GBE1: variants seen among roughly 807,000 people sequenced by gnomAD.
GBE1 encodes 1,4-alpha-glucan branching enzyme 1.
In GBE1, 70 loss-of-function variants were observed where a neutral mutation model predicts 88.8. That is an observed-to-expected ratio of 0.79 (90% CI 0.65 to 0.96). The LOEUF (loss-of-function observed/expected upper bound fraction) is 0.96. GBE1 is among the 40% of genes least tolerant of loss of function. The probability of loss-of-function intolerance (pLI) is 0.00; values close to 1 mark genes in which losing one functional copy is unlikely to be tolerated. For synonymous variants in GBE1, 284 were observed against 300.1 expected (o/e 0.95, Z 0.56); for missense variants, 872 against 871.0 (o/e 1.00, Z -0.01).
At chr3:81,692,899 A>T (rs1705542049) in intron 2 of GBE1, among the ~76,000 whole-genome samples, 1 of 152,212 alleles carries the variant, frequency 6.6e-6, no homozygotes, top group South Asian at 2.1e-4. Context: ...ACTCATCTGC[A>T]TTGAATGACA....
chr3:81,585,777 A>C (rs1703795188), intron 10 of GBE1, among the ~76,000 whole-genome samples: 2 of 152,218 alleles, frequency 1.3e-5, no homozygotes, highest in Admixed American at 1.3e-4. Flanking sequence ...GCTGTAATGA[A>C]GTCTAATATG....
intron 13 of GBE1, 120 bp downstream of exon 13, chr3:81,536,791 A>C (rs557302914): frequency 1.4e-6 from 1 of 707,210 alleles, no homozygotes; most frequent in African/African-American, 1.9e-5. Context: ...GGTACAGGAC[A>C]CTAGACACTG....
At chr3:81,755,364 G>C (rs1706588054) in intron 1 of GBE1, among the ~76,000 whole-genome samples, 1 of 151,976 alleles carries the variant, frequency 6.6e-6, no homozygotes, top group Non-Finnish European at 1.5e-5. Context: ...ATACACTGTT[G>C]GTGGGAATGT....
chr3:81,637,907 C>T (rs1704613486), intron 7 of GBE1, among the ~76,000 whole-genome samples: 2 of 151,994 alleles, frequency 1.3e-5, no homozygotes, highest in South Asian at 2.1e-4. Context: ...GTCATGAGGG[C>T]TTACCTCAGG....
intron 12 of GBE1, among the ~76,000 whole-genome samples, chr3:81,563,130 G>A (rs1703443342): frequency 6.6e-6 from 1 of 152,146 alleles, no homozygotes; most frequent in South Asian, 2.1e-4. Flanking sequence ...CAGCCTGCAT[G>A]AATAACACTG....
intron 7 of GBE1, among the ~76,000 whole-genome samples, chr3:81,618,649 T>G (rs1704282832): frequency 6.6e-6 from 1 of 152,144 alleles, no homozygotes; most frequent in Non-Finnish European, 1.5e-5. Context: ...TTGCTTCACT[T>G]TTCTCTCACG....
At chr3:81,710,073 A>G (rs1705837110) in intron 1 of GBE1, among the ~76,000 whole-genome samples, 1 of 152,156 alleles carries the variant, frequency 6.6e-6, no homozygotes. Flanking sequence ...AGGCAAACAT[A>G]AAGACATAAA....
chr3:81,668,074 C>T (rs1176310482), intron 3 of GBE1, among the ~76,000 whole-genome samples: 5 of 152,146 alleles, frequency 3.3e-5, no homozygotes, highest in Non-Finnish European at 4.4e-5. Flanking sequence ...TTTGCAGGGA[C>T]ATAGATGAAG....
rs757742488 is a variant in GBE1, at chr3:81,722,894, G to GTATATATATATATA, written c.144-17282_144-17281insTATATATATATATA. Among the ~76,000 whole-genome samples, 121 of 135,004 alleles carry GTATATATATATATA rather than the reference G, an allele frequency of 9.0e-4. 1 individual carries two copies. Among genetic ancestry groups the GTATATATATATATA allele is most frequent in the East Asian group, 4.0e-3 (16 of 4,008 alleles). The allele number at this position is 135,004 out of a possible 152,430, so 88.6% of individuals were successfully genotyped here. A position where few individuals can be genotyped will look rare whatever the true frequency, so the allele number is the denominator to read the frequency against. ...GGCACACACACGTGTGTGTGTGTGT[G>GTATATATATATATA]TGTATATATATATATATATATACAC... On this transcript the variant is annotated intron_variant, in intron 1 of 15. Transcript: ENST00000429644.
intron 2 of GBE1, among the ~76,000 whole-genome samples, chr3:81,704,579 A>C (rs1176502480): frequency 1.3e-5 from 2 of 152,074 alleles, no homozygotes; most frequent in Admixed American, 1.3e-4. Context: ...ATTGAATAAC[A>C]CAGCATGTAG....
chr3:81,498,302 C>T (rs1702543208), intron 15 of GBE1, among the ~76,000 whole-genome samples: 1 of 152,050 alleles, frequency 6.6e-6, no homozygotes, highest in Non-Finnish European at 1.5e-5. Flanking sequence ...TGCCTGACTC[C>T]TATCTAAACC....
intron 7 of GBE1, among the ~76,000 whole-genome samples, chr3:81,619,308 T>C (rs1385873611): frequency 6.6e-6 from 1 of 152,138 alleles, no homozygotes; most frequent in African/African-American, 2.4e-5. Context: ...TACACATACA[T>C]ATATGTTAAG....
At chr3:81,702,125 G>C (rs1160700771) in intron 2 of GBE1, among the ~76,000 whole-genome samples, 7 of 146,282 alleles carry the variant, frequency 4.8e-5, no homozygotes, top group Non-Finnish European at 1.5e-5. Context: ...GTGTGTGTGT[G>C]TGTGTGTGTG....
At position 81,743,544 on chromosome 3, in the gene GBE1, C is replaced by A. The variant is rs1185339310; in HGVS notation, c.143+17831G>T. 11 of 1,519,904 alleles carry A rather than the reference C, an allele frequency of 7.2e-6. No individual in the cohort carries two copies. In the East Asian group the frequency reaches 2.7e-4, roughly 37 times the overall value. The allele number at this position is 1,519,904 out of a possible 1,614,324, so 94.2% of individuals were successfully genotyped here. On this transcript the variant is annotated intron_variant, in intron 1 of 15. Transcript: ENST00000429644. ...AGACCAACTCAAAAATAATGCAAGT[C>A]ATAATGAGTCACCTCACTTTAGCAA...
intron 7 of GBE1, among the ~76,000 whole-genome samples, chr3:81,594,636 G>A (rs745808543): frequency 2.6e-5 from 4 of 151,864 alleles, no homozygotes; most frequent in East Asian, 1.9e-4. Context: ...CTGTTGTTTC[G>A]TGAAGGTAAA....
intron 3 of GBE1, among the ~76,000 whole-genome samples, chr3:81,667,121 T>C (rs1705122839): frequency 1.3e-5 from 2 of 152,218 alleles, no homozygotes; most frequent in African/African-American, 4.8e-5. Context: ...CTTATTTCCT[T>C]GAGCAGTGGT....
At chr3:81,588,112 T>A (rs2106947920) in intron 9 of GBE1, among the ~76,000 whole-genome samples, 1 of 152,192 alleles carries the variant, frequency 6.6e-6, no homozygotes, top group Non-Finnish European at 1.5e-5. Flanking sequence ...TCTTTTTTTT[T>A]TTTTCTTATG....
intron 1 of GBE1, among the ~76,000 whole-genome samples, chr3:81,750,538 CGTATATATATAT>C (rs1173121158): frequency 1.2e-4 from 8 of 67,830 alleles, no homozygotes; most frequent in South Asian, 3.7e-4. Context: ...TATATATATA[CGTATATATATAT>C]GTATATATAT....
chr3:81,759,922 C>T (rs1706655674), intron 1 of GBE1, among the ~76,000 whole-genome samples: 1 of 151,868 alleles, frequency 6.6e-6, no homozygotes, highest in Non-Finnish European at 1.5e-5. Context: ...TGTCCTTTTA[C>T]AAAGCACACA....
Sources: allele counts gnomAD v4.1 joint callset (sites outside exome capture counted in the v4.1 genomes callset), GRCh38; gene constraint gnomAD v4.1.1; transcripts MANE v1.5; gene names NCBI Gene and HGNC (gene_info 2026-07-23, HGNC 2026-07-21).